The following ZMYM5 variants were observed in gnomAD, a reference collection of about 807,000 sequenced individuals.
ZMYM5 encodes the protein zinc finger MYM-type protein 5.
A neutral mutation model predicts 61.8 loss-of-function variants in ZMYM5; 41 were observed. That is an observed-to-expected ratio of 0.66 (90% CI 0.52 to 0.86). The LOEUF (loss-of-function observed/expected upper bound fraction) is 0.86, where lower values mean the gene tolerates loss of function less well. Ranked by LOEUF, ZMYM5 falls within the 40% of genes least tolerant of loss-of-function variation. The probability of loss-of-function intolerance (pLI) is 0.00; values close to 1 mark genes in which losing one functional copy is unlikely to be tolerated. For missense variants in ZMYM5, 706 were observed against 786.7 expected, an observed-to-expected ratio of 0.90 and a Z score of 1.23; for synonymous variants, 257 against 276.4, an observed-to-expected ratio of 0.93 and a Z score of 0.70.
chr13:19,828,228 C>CT, intron 7 of ZMYM5, among the ~76,000 whole-genome samples: 1 of 152,226 alleles, frequency 6.6e-6, no homozygotes, highest in East Asian at 1.9e-4. Context: ...AATCCCAGGA[C>CT]TTTGAGAGGC....
chr13:19,839,861 T>C (rs963096352), intron 4 of ZMYM5, among the ~76,000 whole-genome samples: 1 of 152,228 alleles, frequency 6.6e-6, no homozygotes, highest in African/African-American at 2.4e-5. Context: ...ATATAGATTG[T>C]GGATTACTCA....
intron 7 of ZMYM5, among the ~76,000 whole-genome samples, chr13:19,833,845 A>G (rs574922441): frequency 6.6e-6 from 1 of 152,344 alleles, no homozygotes; most frequent in African/African-American, 2.4e-5. Flanking sequence ...ATCAGTCTGA[A>G]AGAAAATCTT....
intron 6 of ZMYM5, 90 bp downstream of exon 6, chr13:19,837,566 A>G (rs774773558): frequency 1.2e-6 from 2 of 1,609,540 alleles, no homozygotes; most frequent in South Asian, 2.2e-5. Context: ...GAACACGTGC[A>G]TTATGTAGAT....
intron 2 of ZMYM5, among the ~76,000 whole-genome samples, chr13:19,852,812 C>A (rs1170897743): frequency 6.6e-6 from 1 of 152,160 alleles, no homozygotes; most frequent in Admixed American, 6.6e-5. Flanking sequence ...AATTGTTCCA[C>A]ATAACACTGG....
intron 7 of ZMYM5, among the ~76,000 whole-genome samples, chr13:19,835,037 T>C (rs757528905): frequency 4.6e-5 from 7 of 151,772 alleles, no homozygotes; most frequent in Non-Finnish European, 7.4e-5. Context: ...TGTTGCCTAG[T>C]TGGAGTGCAG....
At chr13:19,839,419 C>T (rs372622337) in intron 4 of ZMYM5, among the ~76,000 whole-genome samples, 1 of 151,754 alleles carries the variant, frequency 6.6e-6, no homozygotes, top group Non-Finnish European at 1.5e-5. Context: ...GACAGAATCT[C>T]GCTCTTTCTC....
chr13:19,850,915 A>G (rs896052005), intron 4 of ZMYM5, among the ~76,000 whole-genome samples: 3 of 152,228 alleles, frequency 2.0e-5, no homozygotes, highest in Non-Finnish European at 4.4e-5. Context: ...CTATCTTAAT[A>G]TGAAAGTCAA....
At chr13:19,825,895 G>A (rs1385507964) in intron 7 of ZMYM5, among the ~76,000 whole-genome samples, 4 of 151,958 alleles carry the variant, frequency 2.6e-5, no homozygotes, top group Admixed American at 6.6e-5. Context: ...ACAAAATTTA[G>A]CTGGGAGTGG....
chr13:19,836,617 AT>A (rs1173212755), intron 6 of ZMYM5, among the ~76,000 whole-genome samples: 1 of 152,126 alleles, frequency 6.6e-6, no homozygotes, highest in Admixed American at 6.6e-5. Flanking sequence ...AGGATCAACA[AT>A]TTTTAGATGG....
At chr13:19,839,536 A>T (rs555185079) in intron 4 of ZMYM5, among the ~76,000 whole-genome samples, 2 of 151,860 alleles carry the variant, frequency 1.3e-5, no homozygotes, top group African/African-American at 4.8e-5. Flanking sequence ...TTACCCAGCT[A>T]AATTTTTTTT....
intron 7 of ZMYM5, among the ~76,000 whole-genome samples, chr13:19,832,150 G>C (rs1213754794): frequency 6.6e-6 from 1 of 151,776 alleles, no homozygotes; most frequent in Admixed American, 6.6e-5. Context: ...GAGGCACCCT[G>C]CCTGGCTTAT....
chr13:19,860,064 A>G (rs1953673190), intron 2 of ZMYM5, among the ~76,000 whole-genome samples: 1 of 127,920 alleles, frequency 7.8e-6, no homozygotes, highest in Non-Finnish European at 1.6e-5. Context: ...AGATCACGCC[A>G]TTGCACTCCA....
At chr13:19,841,391 T>C (rs1164760925) in intron 4 of ZMYM5, among the ~76,000 whole-genome samples, 1 of 152,210 alleles carries the variant, frequency 6.6e-6, no homozygotes, top group African/African-American at 2.4e-5. Flanking sequence ...GAAAACTCCA[T>C]TTAGCTTCTC....
At chr13:19,863,211 CCCGCCGGCCCCGCGACCT>C (rs1180338766) in intron 1 of ZMYM5, among the ~76,000 whole-genome samples, 1 of 151,504 alleles carries the variant, frequency 6.6e-6, no homozygotes, top group Non-Finnish European at 1.5e-5. Context: ...ACCCCGCCTC[CCCGCCGGCCCCGCGACCT>C]CCGCCGCTGG....
At chr13:19,849,743 G>A (rs898274711) in intron 4 of ZMYM5, among the ~76,000 whole-genome samples, 8 of 152,140 alleles carry the variant, frequency 5.3e-5, no homozygotes, top group Non-Finnish European at 1.2e-4. Context: ...ACTTTGGGAG[G>A]CTGAGGCGGG....
chr13:19,838,695 C>T lies in ZMYM5; in HGVS notation c.872+5G>A. On this transcript the variant is annotated splice_donor_5th_base_variant and intron_variant, in intron 5 of 7. Transcript: ENST00000337963. The stretch of plus-strand genomic sequence containing the variant: ...TGTGGAGAAATGTTGAAAGGTACTG[C>T]TTACTTTTTACATATTATGCTTCGT... 1 of 1,613,640 alleles carries T rather than the reference C, an allele frequency of 6.2e-7. No individual in the cohort carries two copies. Among genetic ancestry groups the T allele is most frequent in the Non-Finnish European group, 8.5e-7 (1 of 1,179,626 alleles).
chr13:19,841,453 ATTC>A (rs1008242651), intron 4 of ZMYM5, among the ~76,000 whole-genome samples: 23 of 152,104 alleles, frequency 1.5e-4, no homozygotes, highest in Non-Finnish European at 7.4e-5. Flanking sequence ...AACAGCCCCA[ATTC>A]TTCTCTCAGA....
intron 2 of ZMYM5, among the ~76,000 whole-genome samples, chr13:19,858,687 G>A (rs1455316337): frequency 6.7e-6 from 1 of 150,172 alleles, no homozygotes; most frequent in Non-Finnish European, 1.5e-5. Context: ...AGGAAAGGAA[G>A]AATAAGAAAC....
In ZMYM5 at chr13:19,844,259, G is replaced by A. The variant is rs567248272; in HGVS notation, c.587-5274C>T. Among the ~76,000 whole-genome samples the A allele has an allele frequency of 7.2e-5, 11 of 152,176 alleles. No homozygotes were observed. In the South Asian group the frequency reaches 1.0e-3, roughly 14 times the overall value. On this transcript the variant is annotated intron_variant, in intron 4 of 7. Coordinates refer to ENST00000337963, the MANE Select transcript of ZMYM5 (RefSeq NM_001142684.2). The stretch of plus-strand genomic sequence containing the variant: ...CGGGAGGTGGAGGTTGCAGTGAGCC[G>A]AGAATGTGCCACTGCACTCCAGCCT...
Sources: allele counts gnomAD v4.1 joint callset (sites outside exome capture counted in the v4.1 genomes callset), GRCh38; gene constraint gnomAD v4.1.1; transcripts MANE v1.5; gene names NCBI Gene and HGNC (gene_info 2026-07-23, HGNC 2026-07-21).